The following DENND5B variants were observed in gnomAD, a reference collection of about 807,000 sequenced individuals.
DENND5B encodes the protein DENN domain-containing protein 5B.
In DENND5B, 34 loss-of-function variants were observed where a neutral mutation model predicts 140.6. The ratio of observed to expected loss-of-function variants is 0.24; its 90% CI spans 0.18 to 0.32. The LOEUF (loss-of-function observed/expected upper bound fraction) is 0.32. Ranked by LOEUF, DENND5B falls within the 10% of genes least tolerant of loss-of-function variation. The pLI is 1.00. For missense variants in DENND5B, 1,142 were observed against 1,560.2 expected (o/e 0.73, Z 4.52); for synonymous variants, 551 against 562.1 (o/e 0.98, Z 0.28).
chr12:31,482,241 T>G (rs1410208523), intron 2 of DENND5B, among the ~76,000 whole-genome samples: 2 of 152,152 alleles, frequency 1.3e-5, no homozygotes, highest in East Asian at 3.8e-4. Flanking sequence ...AGCAACTTCT[T>G]CCATGATTTT....
At position 31,515,788 on chromosome 12, in the gene DENND5B, G is replaced by A. The variant is rs555262324; in HGVS notation, c.128-19869C>T. On this transcript the variant is annotated intron_variant, in intron 1 of 20. Coordinates refer to ENST00000389082, the MANE Select transcript of DENND5B (RefSeq NM_144973.4). ...GTATAAATAGACTACTCAAAATTCT[G>A]TACTGCCAACCAACAAATATATTGA... 7.9e-5 allele frequency among the ~76,000 whole-genome samples: 12 copies of A among 152,230 alleles called. No individual in the cohort carries two copies. The South Asian group carries it at 2.5e-3, about 32-fold the overall frequency.
chr12:31,382,307 G>A lies in DENND5B; in HGVS notation c.*5296C>T, dbSNP rs1450641813. 1 of 151,990 alleles carries A rather than the reference G, an allele frequency of 6.6e-6. No individual in the cohort carries two copies. Among genetic ancestry groups the A allele is most frequent in the Non-Finnish European group, 1.5e-5 (1 of 68,008 alleles). 9.4% of individuals were successfully genotyped at this position (151,990 alleles called of 1,614,324 possible). A position where few individuals can be genotyped will look rare whatever the true frequency, so the allele number is the denominator to read the frequency against. Reference sequence around the variant, plus strand: ...GTACTCCCAAACCTGAAAAACCCACGTCAGTTTGTCTGATATGTATGTTAA... The same window carrying A: ...GTACTCCCAAACCTGAAAAACCCACATCAGTTTGTCTGATATGTATGTTAA... On this transcript the variant is annotated 3_prime_UTR_variant, in exon 21 of 21. Coordinates refer to ENST00000389082, the MANE Select transcript of DENND5B (RefSeq NM_144973.4).
intron 1 of DENND5B, among the ~76,000 whole-genome samples, chr12:31,582,819 T>C (rs1950250276): frequency 6.6e-6 from 1 of 152,226 alleles, no homozygotes; most frequent in Non-Finnish European, 1.5e-5. Context: ...TTCTGGTAGA[T>C]TTTACAATCT....
intron 3 of DENND5B, among the ~76,000 whole-genome samples, chr12:31,472,899 T>C (rs2138438854): frequency 6.6e-6 from 1 of 152,134 alleles, no homozygotes; most frequent in African/African-American, 2.4e-5. Flanking sequence ...TGGGACTCAT[T>C]TGAGAGCCTT....
At chr12:31,494,988 A>G (rs962456092) in intron 2 of DENND5B, among the ~76,000 whole-genome samples, 2 of 152,154 alleles carry the variant, frequency 1.3e-5, no homozygotes, top group African/African-American at 4.8e-5. Context: ...TTTTTGTTCC[A>G]GACACCAAGA....
intron 15 of DENND5B, 63 bp downstream of exon 15, chr12:31,402,435 A>G (rs1941854808): frequency 6.6e-7 from 1 of 1,526,532 alleles, no homozygotes; most frequent in Non-Finnish European, 8.8e-7. Flanking sequence ...AAAAAGCCAG[A>G]CAGAATCATC....
intron 7 of DENND5B, 56 bp downstream of exon 7, chr12:31,442,719 C>T (rs1944089652): frequency 6.4e-7 from 1 of 1,561,828 alleles, no homozygotes; most frequent in Non-Finnish European, 8.7e-7. Flanking sequence ...AGTTGCAGAG[C>T]ACCCCACCCT....
chr12:31,404,812 T>G (rs1942031402), intron 14 of DENND5B, among the ~76,000 whole-genome samples: 1 of 123,488 alleles, frequency 8.1e-6, no homozygotes, highest in African/African-American at 3.1e-5. Context: ...CAGGCTGGAG[T>G]GCAATGGCAT....
Position 31,487,890 on chromosome 12 carries a change from AAAAC to A in DENND5B, c.238-7639_238-7636del, listed in dbSNP as rs538221765. On this transcript the variant is annotated intron_variant, in intron 2 of 20. Transcript: ENST00000389082. ...TTGAATGAATAAATGAATGAACAAG[AAAAC>A]AAACAAAAACAGCTGGGGGTAAAGC... Among the ~76,000 whole-genome samples the A allele has an allele frequency of 2.6e-5, 4 of 152,340 alleles. No individual in the cohort carries two copies. In the East Asian group the frequency reaches 7.7e-4, roughly 29 times the overall value.
In DENND5B at chr12:31,433,192, T is replaced by C; in HGVS notation, c.2069A>G (p.His690Arg). 3.1e-6 allele frequency: 5 copies of C among 1,613,990 alleles called. No homozygotes were observed. Among genetic ancestry groups the C allele is most frequent in the Non-Finnish European group, 4.2e-6 (5 of 1,179,890 alleles). The change falls in exon 8 of 21, where the codon CAT becomes CGT. Residue 690 changes from histidine to arginine, a missense_variant. Coordinates refer to ENST00000389082, the MANE Select transcript of DENND5B (RefSeq NM_144973.4). The part of the protein sequence containing the change: ...AQRRKERLRQ[H>R]SEHVGLDNDL... ...GTTGTCCAGCCCAACATGCTCAGAA[T>C]GCTGGCGAAGGCGTTCTTTCCTGCG...
At chr12:31,542,726 C>T (rs144706994) in intron 1 of DENND5B, among the ~76,000 whole-genome samples, 2 of 152,068 alleles carry the variant, frequency 1.3e-5, no homozygotes, top group Admixed American at 6.6e-5. Flanking sequence ...GAGGCCAAAA[C>T]GGGTGGATTC....
chr12:31,551,900 T>C (rs1170371274), intron 1 of DENND5B, among the ~76,000 whole-genome samples: 4 of 152,280 alleles, frequency 2.6e-5, no homozygotes, highest in African/African-American at 2.4e-5. Context: ...CTTGTGATTT[T>C]TGCACATCGA....
chr12:31,515,889 T>A (rs533957189), intron 1 of DENND5B, among the ~76,000 whole-genome samples: 39 of 152,314 alleles, frequency 2.6e-4, no homozygotes, highest in Middle Eastern at 3.4e-3. Context: ...TCAGCATTTA[T>A]AGAAGAAATT....
At chr12:31,396,256 G>C (rs1180820225) in intron 17 of DENND5B, 3 of 151,772 alleles carry the variant, frequency 2.0e-5, no homozygotes, top group Non-Finnish European at 2.9e-5. Flanking sequence ...TTTTAGTAGA[G>C]ACGGGGTTTC....
intron 1 of DENND5B, among the ~76,000 whole-genome samples, chr12:31,566,581 C>T (rs1471190346): frequency 6.6e-6 from 1 of 151,772 alleles, no homozygotes; most frequent in Admixed American, 6.6e-5. Context: ...CGAGCAAGGG[C>T]CACATAGCAG....
Position 31,590,801 on chromosome 12 carries a change from C to T in DENND5B, c.32G>A (p.Gly11Asp). 2 of 1,315,304 alleles carry T rather than the reference C, an allele frequency of 1.5e-6. No homozygotes were observed. Among genetic ancestry groups the T allele is most frequent in the South Asian group, 2.1e-5 (1 of 47,120 alleles). 81.5% of individuals were successfully genotyped at this position (1,315,304 alleles called of 1,614,324 possible). A position where few individuals can be genotyped will look rare whatever the true frequency, so the allele number is the denominator to read the frequency against. MSGSCAAPGPGSGSSPAACRF... is the reference protein window; with the variant it reads MSGSCAAPGPDSGSSPAACRF... ...GCAGGCGGCCGGGGAGGAGCCCGAG[C>T]CCGGGCCGGGCGCCGCGCAGCTCCC... The change falls in exon 1 of 21, where the codon GGC becomes GAC. Residue 11 changes from glycine to aspartate, a missense_variant. Physicochemically the swap from Gly to Asp is moderately conservative, Grantham distance 94 (BLOSUM62 -1). Around this residue, in one of 5 missense-constraint regions of DENND5B, gnomAD observed 708 missense variants for 905.5 expected, o/e 0.78. Coordinates refer to ENST00000389082, the MANE Select transcript of DENND5B (RefSeq NM_144973.4).
In DENND5B at chr12:31,497,984, G is replaced by A. The variant is rs1216577097; in HGVS notation, c.128-2065C>T. On this transcript the variant is annotated intron_variant, in intron 1 of 20. Transcript: ENST00000389082. ...GGGGAGGGAAGGGAAAGAAAGAGAG[G>A]AAAGAAAGGAAAAGAAAAGAAAGAT... 4.0e-5 allele frequency among the ~76,000 whole-genome samples: 6 copies of A among 150,026 alleles called. No homozygotes were observed. In the East Asian group the frequency reaches 1.2e-3, roughly 30 times the overall value.
intron 1 of DENND5B, among the ~76,000 whole-genome samples, chr12:31,567,658 G>A (rs1407261681): frequency 6.6e-6 from 1 of 150,526 alleles, no homozygotes; most frequent in Admixed American, 6.7e-5. Context: ...CCACTCCTTT[G>A]TTCAAAACCT....
intron 1 of DENND5B, among the ~76,000 whole-genome samples, chr12:31,540,668 C>T (rs1948655318): frequency 6.6e-6 from 1 of 150,928 alleles, no homozygotes; most frequent in African/African-American, 2.4e-5. Flanking sequence ...CCCAACCCCC[C>T]CACCAAAAAA....
Sources: allele counts gnomAD v4.1 joint callset (sites outside exome capture counted in the v4.1 genomes callset), GRCh38; gene constraint gnomAD v4.1.1; regional missense constraint gnomAD v4.1.1; transcripts MANE v1.5; gene names NCBI Gene and HGNC (gene_info 2026-07-23, HGNC 2026-07-21).